The following ENTHD1 variants were observed in gnomAD, a reference collection of about 807,000 sequenced individuals.
ENTHD1 encodes ENTH domain containing 1.
A neutral mutation model predicts 39.1 loss-of-function variants in ENTHD1; 23 were observed. That is an observed-to-expected ratio of 0.59 (90% CI 0.42 to 0.83). ENTHD1 has a LOEUF of 0.83. Among genes scored for constraint, ENTHD1 ranks in the 40% least tolerant of loss-of-function variants. The pLI is 0.00. For missense variants in ENTHD1, 624 were observed against 705.4 expected, an observed-to-expected ratio of 0.88 and a Z score of 1.31; for synonymous variants, 230 against 258.2, an observed-to-expected ratio of 0.89 and a Z score of 1.05.
Position 39,861,924 on chromosome 22 carries a change from A to G in ENTHD1, c.433T>C (p.Cys145Arg), listed in dbSNP as rs2066144602. 1 of 1,600,192 alleles carries G rather than the reference A, an allele frequency of 6.2e-7. No individual in the cohort carries two copies. Among genetic ancestry groups the G allele is most frequent in the African/African-American group, 1.3e-5 (1 of 74,852 alleles). Residue 145 changes from cysteine (C) to arginine (R), a missense_variant, in exon 3 of 7, where the codon TGT (cysteine) becomes CGT (arginine). Physicochemically the swap from Cys to Arg is radical, Grantham distance 180. Transcript: ENST00000325157. ...PLLCKEREVACRTRQRTSHSI... is the reference protein window; with the variant it reads ...PLLCKEREVARRTRQRTSHSI... ...TGGGAGGTACGCTGTCTAGTCCGAC[A>G]TGCCACTTCCCTCTCTTTACACAGC...
At chr22:39,747,910 C>G (rs1316196698) in intron 6 of ENTHD1, among the ~76,000 whole-genome samples, 1 of 152,062 alleles carries the variant, frequency 6.6e-6, no homozygotes, top group Non-Finnish European at 1.5e-5. Flanking sequence ...ATATTTGAGG[C>G]AAGATCGGTG....
rs116040469 is a variant in ENTHD1, at chr22:39,831,537, T to C, written c.711+4303A>G. Among the ~76,000 whole-genome samples, 1,203 of 151,962 alleles carry C rather than the reference T, an allele frequency of 7.9e-3. 7 individuals are homozygous for C. The highest frequency in any genetic ancestry group is 0.027 in the African/African-American group (1,139 of 41,440). On this transcript the variant is annotated intron_variant, in intron 4 of 6. Coordinates refer to ENST00000325157, the MANE Select transcript of ENTHD1 (RefSeq NM_152512.4). ...TGAAAAAGTCAATATAATAAAGAAA[T>C]ATAGGGGCCAGGTACGGTGGCTCAT... is the stretch of plus-strand genomic sequence containing the variant.
intron 6 of ENTHD1, among the ~76,000 whole-genome samples, chr22:39,760,961 T>A (rs2065228627): frequency 6.6e-6 from 1 of 152,086 alleles, no homozygotes; most frequent in Admixed American, 6.5e-5. Context: ...TATTATAAGT[T>A]TTGCTTTAGT....
At chr22:39,807,574 A>G (rs2065653043) in intron 5 of ENTHD1, among the ~76,000 whole-genome samples, 1 of 151,340 alleles carries the variant, frequency 6.6e-6, no homozygotes, top group Non-Finnish European at 1.5e-5. Flanking sequence ...CCAACTGGCC[A>G]AGTCTCTCTT....
chr22:39,813,503 A>G (rs574632645), intron 5 of ENTHD1, among the ~76,000 whole-genome samples: 12 of 152,334 alleles, frequency 7.9e-5, no homozygotes, highest in South Asian at 6.2e-4. Flanking sequence ...TAACAGCCTA[A>G]AGGAGAAAAA....
chr22:39,744,888 A>G (rs1334807713), intron 6 of ENTHD1, among the ~76,000 whole-genome samples: 3 of 152,216 alleles, frequency 2.0e-5, no homozygotes, highest in Admixed American at 2.0e-4. Flanking sequence ...GTGAAGTAAA[A>G]AGCATTCTAA....
At chr22:39,870,023 A>ATTTATTTG (rs1195550532) in intron 2 of ENTHD1, among the ~76,000 whole-genome samples, 3 of 148,748 alleles carry the variant, frequency 2.0e-5, no homozygotes, top group African/African-American at 7.4e-5. Context: ...TTATTTATTT[A>ATTTATTTG]TTTTTGAGAC....
intron 4 of ENTHD1, among the ~76,000 whole-genome samples, chr22:39,831,261 C>A (rs113801548): frequency 3.3e-5 from 5 of 152,238 alleles, no homozygotes; most frequent in African/African-American, 1.2e-4. Context: ...AATACAGCAT[C>A]CTTTGGTCTA....
rs531348014 is a variant in ENTHD1, at chr22:39,845,283, C to T, written c.593-9325G>A. On this transcript the variant is annotated intron_variant, in intron 3 of 6. Coordinates refer to ENST00000325157, the MANE Select transcript of ENTHD1 (RefSeq NM_152512.4). ...CCCCATTTTACAGAAGGTGAAATTA[C>T]AGCACAAGGGCTTAAGTAGCCAGTC... Among the ~76,000 whole-genome samples, 3 of 152,296 alleles carry T rather than the reference C, an allele frequency of 2.0e-5. No individual in the cohort carries two copies. The East Asian group carries it at 5.8e-4, about 29-fold the overall frequency.
intron 3 of ENTHD1, among the ~76,000 whole-genome samples, chr22:39,838,786 T>A (rs1336628609): frequency 6.6e-6 from 1 of 152,104 alleles, no homozygotes; most frequent in Non-Finnish European, 1.5e-5. Context: ...AAAAATAATT[T>A]CAATTTTATA....
intron 3 of ENTHD1, among the ~76,000 whole-genome samples, chr22:39,836,609 T>C (rs1017098868): frequency 2.0e-5 from 3 of 152,230 alleles, no homozygotes; most frequent in Non-Finnish European, 4.4e-5. Context: ...ACACAATTTT[T>C]AAATTTTGAT....
chr22:39,774,103 T>C (rs2065348946), intron 5 of ENTHD1, among the ~76,000 whole-genome samples: 1 of 152,134 alleles, frequency 6.6e-6, no homozygotes, highest in African/African-American at 2.4e-5. Context: ...ACAGACAGGA[T>C]TGATGAGAAA....
At chr22:39,751,635 G>A (rs2065147999) in intron 6 of ENTHD1, among the ~76,000 whole-genome samples, 1 of 152,130 alleles carries the variant, frequency 6.6e-6, no homozygotes, top group Non-Finnish European at 1.5e-5. Flanking sequence ...TTAAAAATTG[G>A]TATTGATCTG....
At chr22:39,789,317 C>T (rs376762782) in intron 5 of ENTHD1, among the ~76,000 whole-genome samples, 11 of 152,224 alleles carry the variant, frequency 7.2e-5, no homozygotes, top group African/African-American at 2.6e-4. Context: ...CTCTTGCTCC[C>T]CTCACCAAAT....
chr22:39,880,517 A>T (rs1234430248), intron 2 of ENTHD1, among the ~76,000 whole-genome samples: 2 of 152,300 alleles, frequency 1.3e-5, no homozygotes, highest in Non-Finnish European at 2.9e-5. Context: ...CATCGATTGT[A>T]ACAAATGTAC....
intron 3 of ENTHD1, among the ~76,000 whole-genome samples, chr22:39,852,747 T>A (rs2066053380): frequency 3.3e-5 from 5 of 152,174 alleles, no homozygotes; most frequent in Admixed American, 2.0e-4. Flanking sequence ...ATAGAAAAGG[T>A]ACAGTAAAAA....
intron 5 of ENTHD1, among the ~76,000 whole-genome samples, chr22:39,767,908 C>T (rs919629950): frequency 6.6e-6 from 1 of 152,142 alleles, no homozygotes; most frequent in South Asian, 2.1e-4. Context: ...CTACCCACCC[C>T]CTTTCCCAAT....
intron 2 of ENTHD1, among the ~76,000 whole-genome samples, chr22:39,873,288 C>G (rs1380319882): frequency 6.6e-6 from 1 of 152,032 alleles, no homozygotes; most frequent in Non-Finnish European, 1.5e-5. Flanking sequence ...ACACACAAAT[C>G]TATAATCCAT....
chr22:39,745,319 T>C (rs551529626), intron 6 of ENTHD1, among the ~76,000 whole-genome samples: 2 of 152,358 alleles, frequency 1.3e-5, no homozygotes, highest in East Asian at 1.9e-4. Context: ...AAAAATTCCA[T>C]TGTAAGTCAC....
Sources: allele counts gnomAD v4.1 joint callset (sites outside exome capture counted in the v4.1 genomes callset), GRCh38; gene constraint gnomAD v4.1.1; transcripts MANE v1.5; gene names NCBI Gene and HGNC (gene_info 2026-07-23, HGNC 2026-07-21).